Variants in TCL1A observed in about 807,000 individuals in gnomAD.
The protein encoded by TCL1A is TCL1 family AKT coactivator A.
In TCL1A, 9 loss-of-function variants were observed where a neutral mutation model predicts 16.9. The ratio of observed to expected loss-of-function variants is 0.53; its 90% CI spans 0.32 to 0.93. The LOEUF is 0.93. Among genes scored for constraint, TCL1A ranks in the 40% least tolerant of loss-of-function variants. TCL1A has a pLI of 0.04. For synonymous variants in TCL1A, 69 were observed against 63.2 expected, an observed-to-expected ratio of 1.09 and a Z score of -0.44; for missense variants, 139 against 153.0, an observed-to-expected ratio of 0.91 and a Z score of 0.48.
At chr14:95,713,435 A>G (rs1886434020) in intron 1 of TCL1A, among the ~76,000 whole-genome samples, 1 of 152,356 alleles carries the variant, frequency 6.6e-6, no homozygotes, top group Non-Finnish European at 1.5e-5. Context: ...TATTGATTCA[A>G]TACCGGCGCT....
At position 95,713,947 on chromosome 14, in the gene TCL1A, C is replaced by T. The variant is rs767730962; in HGVS notation, c.120G>A (p.Glu40=). 4.3e-6 allele frequency: 7 copies of T among 1,613,604 alleles called. No individual in the cohort carries two copies. The highest frequency in any genetic ancestry group is 1.7e-5 in the Admixed American group (1 of 60,022). The change falls in exon 1 of 4, where the codon GAG becomes GAA. Residue 40 remains glutamate, a splice_region_variant and synonymous_variant. Coordinates refer to ENST00000402399, the MANE Select transcript of TCL1A (RefSeq NM_021966.3). ...KQHAWLPLTI[E]IKDRLQLRVL... ...CCATCCGCTCCAAAGCTGGCTGTACCTCGATGGTTAAGGGCAGCCAGGCGT... is the reference window on the plus strand; with the variant it reads ...CCATCCGCTCCAAAGCTGGCTGTACTTCGATGGTTAAGGGCAGCCAGGCGT...
At chr14:95,711,856 T>C in intron 2 of TCL1A, 54 bp from the exon 3 acceptor site, 1 of 1,592,570 alleles carries the variant, frequency 6.3e-7, no homozygotes, top group Non-Finnish European at 8.5e-7. Context: ...CTCCACTCCC[T>C]CCATTCCTCA....
In TCL1A at chr14:95,711,950, C is replaced by T. The variant is rs1886367716; in HGVS notation, c.298-148G>A. The stretch of plus-strand genomic sequence containing the variant: ...GGGGCTCTTGGAGACTGCCCCTCCT[C>T]CCACCAGCCTTCAGCCTGTGACTGC... On this transcript the variant is annotated intron_variant, in intron 2 of 3. Coordinates refer to ENST00000402399, the MANE Select transcript of TCL1A (RefSeq NM_021966.3). The T allele has an allele frequency of 2.9e-6, 3 of 1,049,034 alleles. No homozygotes were observed. The African/African-American group carries it at 4.7e-5, about 17-fold the overall frequency. The allele number at this position is 1,049,034 out of a possible 1,614,324, so 65.0% of individuals were successfully genotyped here. A position where few individuals can be genotyped will look rare whatever the true frequency, so the allele number is the denominator to read the frequency against.
chr14:95,712,534 T>G, intron 1 of TCL1A, 138 bp from the exon 2 acceptor site: 3 of 1,478,874 alleles, frequency 2.0e-6, no homozygotes, highest in Non-Finnish European at 1.8e-6. Context: ...TGGTCATCAC[T>G]GTTCCCTGAA....
At chr14:95,713,710 C>G (rs141384924) in intron 1 of TCL1A, among the ~76,000 whole-genome samples, 2 of 152,308 alleles carry the variant, frequency 1.3e-5, no homozygotes, top group Admixed American at 6.5e-5. Context: ...TATAGTCACA[C>G]TCCACAGGCA....
At position 95,713,954 on chromosome 14, in the gene TCL1A, G is replaced by C. The variant is rs201228671; in HGVS notation, c.113C>G (p.Thr38Ser). The change falls in exon 1 of 4, where the codon ACC becomes AGC. Residue 38 changes from threonine (T) to serine (S), a missense_variant. Transcript: ENST00000402399. Reference protein sequence around the residue: ...DEKQHAWLPLTIEIKDRLQLR... With the variant: ...DEKQHAWLPLSIEIKDRLQLR... ...CTCCAAAGCTGGCTGTACCTCGATG[G>C]TTAAGGGCAGCCAGGCGTGCTGCTT... The C allele has an allele frequency of 3.7e-6, 6 of 1,613,754 alleles. No homozygotes were observed. The highest frequency in any genetic ancestry group is 2.7e-5 in the African/African-American group (2 of 75,052).
At position 95,714,097 on chromosome 14, in the gene TCL1A, C is replaced by G. The variant is rs1886498630; in HGVS notation, c.-31G>C. On this transcript the variant is annotated 5_prime_UTR_variant, in exon 1 of 4. Coordinates refer to ENST00000402399, the MANE Select transcript of TCL1A (RefSeq NM_021966.3). ...CCTCGGGCCGCCTAAGAAGCAAGAGCCAGAGCCTCTCAAGGCCGCTCGCTG... is the reference window on the plus strand; with the variant it reads ...CCTCGGGCCGCCTAAGAAGCAAGAGGCAGAGCCTCTCAAGGCCGCTCGCTG... 1 of 1,611,278 alleles carries G rather than the reference C, an allele frequency of 6.2e-7. No homozygotes were observed. Among genetic ancestry groups the G allele is most frequent in the Admixed American group, 1.7e-5 (1 of 59,956 alleles).
chr14:95,713,818 TG>T, intron 1 of TCL1A, 128 bp downstream of exon 1: 1 of 1,404,626 alleles, frequency 7.1e-7, no homozygotes, highest in Non-Finnish European at 9.6e-7. Context: ...CGGCTCAAAG[TG>T]GCTTCATCTG....
rs1305960722 is a variant in TCL1A at position 95,711,467 on chromosome 14, C to CAAAA, written c.*6+278_*6+281dup. ...CTGGGCCACAGAGCCAGACTCATCT[C>CAAAA]AAAAAAAAAAAAAAGCAATGGTAAA... is the stretch of plus-strand genomic sequence containing the variant. On this transcript the variant is annotated intron_variant, in intron 3 of 3. Transcript: ENST00000402399. The CAAAA allele has an allele frequency of 5.2e-3, 1,309 of 252,712 alleles. 11 individuals are homozygous for CAAAA. The highest frequency in any genetic ancestry group is 0.036 in the African/African-American group (1,253 of 35,080). 15.7% of individuals were successfully genotyped at this position (252,712 alleles called of 1,614,324 possible). A position where few individuals can be genotyped will look rare whatever the true frequency, so the allele number is the denominator to read the frequency against.
intron 3 of TCL1A, among the ~76,000 whole-genome samples, chr14:95,711,173 G>A (rs1056793135): frequency 2.0e-5 from 3 of 151,950 alleles, no homozygotes; most frequent in African/African-American, 7.3e-5. Flanking sequence ...ATAAAGCAAT[G>A]GTAAGGCCGG....
Position 95,714,095 on chromosome 14 carries a change from A to G in TCL1A, c.-29T>C. 6.2e-7 allele frequency: 1 copy of G among 1,611,758 alleles called. No homozygotes were observed. Among genetic ancestry groups the G allele is most frequent in the Non-Finnish European group, 8.5e-7 (1 of 1,179,744 alleles). Reference sequence around the variant, plus strand: ...GTCCTCGGGCCGCCTAAGAAGCAAGAGCCAGAGCCTCTCAAGGCCGCTCGC... The same window carrying G: ...GTCCTCGGGCCGCCTAAGAAGCAAGGGCCAGAGCCTCTCAAGGCCGCTCGC... On this transcript the variant is annotated 5_prime_UTR_variant, in exon 1 of 4. Coordinates refer to ENST00000402399, the MANE Select transcript of TCL1A (RefSeq NM_021966.3).
At chr14:95,712,771 G>T in intron 1 of TCL1A, 5 of 848,022 alleles carry the variant, frequency 5.9e-6, no homozygotes, top group African/African-American at 1.8e-5. Context: ...GCGAGACCCT[G>T]TATCTACAGG....
chr14:95,713,707 A>C (rs187973051), intron 1 of TCL1A, among the ~76,000 whole-genome samples: 1 of 152,298 alleles, frequency 6.6e-6, no homozygotes, highest in African/African-American at 2.4e-5. Context: ...CATTATAGTC[A>C]CACTCCACAG....
intron 3 of TCL1A, 81 bp downstream of exon 3, chr14:95,711,668 T>A (rs1263466329): frequency 6.6e-7 from 1 of 1,515,612 alleles, no homozygotes; most frequent in East Asian, 2.3e-5. Context: ...GGGTTAGCAC[T>A]GCCTTCATGG....
intron 3 of TCL1A, chr14:95,711,522 C>A: frequency 2.0e-6 from 1 of 507,516 alleles, no homozygotes; most frequent in Non-Finnish European, 3.5e-6. Context: ...TTGTGAAGTA[C>A]TTTATAGATA....
chr14:95,713,253 T>G (rs1302404149), intron 1 of TCL1A, among the ~76,000 whole-genome samples: 1 of 152,210 alleles, frequency 6.6e-6, no homozygotes, highest in East Asian at 1.9e-4. Flanking sequence ...TTCTAATATA[T>G]TTTTTAATTT....
chr14:95,712,343 C>G lies in TCL1A; in HGVS notation c.174G>C (p.Leu58=), dbSNP rs896175772. ...RVLLRREDVV[L]GRPMTPTQIG... is the part of the protein sequence containing the mutation. Reference sequence around the variant, plus strand: ...TCTGGGTGGGGGTCATAGGCCTCCCCAGGACGACGTCTTCCCGACGCAAGA... The same window carrying G: ...TCTGGGTGGGGGTCATAGGCCTCCCGAGGACGACGTCTTCCCGACGCAAGA... The change falls in exon 2 of 4, where the codon CTG becomes CTC. Residue 58 remains leucine, a synonymous_variant. Coordinates refer to ENST00000402399, the MANE Select transcript of TCL1A (RefSeq NM_021966.3). 1 of 1,613,946 alleles carries G rather than the reference C, an allele frequency of 6.2e-7. No individual in the cohort carries two copies. Among genetic ancestry groups the G allele is most frequent in the Non-Finnish European group, 8.5e-7 (1 of 1,179,848 alleles).
intron 1 of TCL1A, 96 bp downstream of exon 1, chr14:95,713,851 A>T (rs529843739): frequency 1.3e-6 from 2 of 1,553,502 alleles, no homozygotes; most frequent in African/African-American, 1.3e-5. Flanking sequence ...CCTGCCCCAT[A>T]GTGAGTGCTC....
chr14:95,711,751 T>C lies in TCL1A; in HGVS notation c.*4A>G, dbSNP rs1256293038. 4 of 1,613,232 alleles carry C rather than the reference T, an allele frequency of 2.5e-6. No individual in the cohort carries two copies. The highest frequency in any genetic ancestry group is 3.3e-5 in the Admixed American group (2 of 59,956). On this transcript the variant is annotated splice_region_variant and 3_prime_UTR_variant, in exon 3 of 4. Transcript: ENST00000402399. ...GGTCAGGCTCCAGTGGAGCTCACCA[T>C]ACATCAGTCATCTGGCAGCAGCTCG...
Sources: allele counts gnomAD v4.1 joint callset (sites outside exome capture counted in the v4.1 genomes callset), GRCh38; gene constraint gnomAD v4.1.1; transcripts MANE v1.5; gene names NCBI Gene and HGNC (gene_info 2026-07-23, HGNC 2026-07-21).